The following IRGM variants were observed in gnomAD, a reference collection of about 807,000 sequenced individuals.
The protein encoded by IRGM is immunity related GTPase M, also known as immunity-related GTPase family M protein.
For synonymous variants in IRGM, 98 were observed against 80.6 expected, an observed-to-expected ratio of 1.22 and a Z score of -1.16; for missense variants, 288 against 219.9, an observed-to-expected ratio of 1.31 and a Z score of -1.96.
At chr5:150,897,387 C>CATCT (rs1255372818) in intron 3 of IRGM, 1 of 159,004 alleles carries the variant, frequency 6.3e-6, no homozygotes, top group Non-Finnish European at 1.4e-5. Flanking sequence ...AACTCTCCTC[C>CATCT]ATCTATTTTC....
downstream of IRGM, among the ~76,000 whole-genome samples, chr5:150,852,889 A>G (rs1190928523): frequency 2.0e-5 from 3 of 152,114 alleles, no homozygotes; most frequent in Non-Finnish European, 4.4e-5. Flanking sequence ...ATAGAAGAGA[A>G]AATAATATTG....
chr5:150,856,891 A>C lies in IRGM; in HGVS notation c.158+8237A>C, dbSNP rs1754061537. On this transcript the variant is annotated intron_variant and NMD_transcript_variant, in intron 1 of 3. Transcript: ENST00000520549. ...TAATTATTAATTAATATTATTAATT[A>C]AATATTATTAAATAAATAAATATTT... Among the ~76,000 whole-genome samples, 15 of 136,438 alleles carry C rather than the reference A, an allele frequency of 1.1e-4. No homozygotes were observed. The South Asian group carries it at 3.4e-3, about 31-fold the overall frequency. 89.5% of individuals were successfully genotyped at this position (136,438 alleles called of 152,430 possible). A position where few individuals can be genotyped will look rare whatever the true frequency, so the allele number is the denominator to read the frequency against.
In IRGM at chr5:150,846,595, C is replaced by T. The variant is rs1382187777; in HGVS notation, c.-1041C>T. ...CACTTTGCAGTAAATCTTGCTGCTG[C>T]TCATTCTTTGGGTCCACACTGCCTT... On this transcript the variant is annotated 5_prime_UTR_variant, in exon 1 of 2. Transcript: ENST00000522154. 1 of 139,954 alleles carries T rather than the reference C, an allele frequency of 7.1e-6. No homozygotes were observed. The highest frequency in any genetic ancestry group is 2.4e-4 in the East Asian group (1 of 4,096). The allele number at this position is 139,954 out of a possible 1,614,324, so 8.7% of individuals were successfully genotyped here.
chr5:150,859,071 G>A (rs1309711192), intron 1 of IRGM, among the ~76,000 whole-genome samples: 1 of 152,096 alleles, frequency 6.6e-6, no homozygotes, highest in African/African-American at 2.4e-5. Flanking sequence ...ATTTGTCATA[G>A]GTAGCTGTTA....
chr5:150,901,861 A>G (rs888472244), downstream of IRGM, among the ~76,000 whole-genome samples: 11 of 152,148 alleles, frequency 7.2e-5, no homozygotes, highest in Non-Finnish European at 1.0e-4. Flanking sequence ...ATGGAAAAAG[A>G]TATTCTAAGT....
chr5:150,900,901 A>T (rs76125741), downstream of IRGM, among the ~76,000 whole-genome samples: 5,877 of 152,166 alleles, frequency 0.039, 180 homozygotes, highest in East Asian at 0.16. Flanking sequence ...AATGCTTCAA[A>T]ATAATAAGTA....
At chr5:150,866,235 G>A (rs1373216477) in intron 1 of IRGM, among the ~76,000 whole-genome samples, 1 of 152,158 alleles carries the variant, frequency 6.6e-6, no homozygotes, top group African/African-American at 2.4e-5. Flanking sequence ...TCCTGTGGCA[G>A]GTATTTTGGC....
chr5:150,889,161 A>G (rs1010546613), intron 3 of IRGM, among the ~76,000 whole-genome samples: 6 of 151,708 alleles, frequency 4.0e-5, no homozygotes, highest in African/African-American at 1.2e-4. Context: ...TTTTACATAC[A>G]TGACCGTATT....
chr5:150,896,455 C>T, intron 3 of IRGM: 1 of 1,613,544 alleles, frequency 6.2e-7, no homozygotes, highest in Non-Finnish European at 8.5e-7. Context: ...TTAGTTTCCA[C>T]ATTCTGATAT....
At chr5:150,886,040 T>C (rs757571241) in intron 3 of IRGM, among the ~76,000 whole-genome samples, 28 of 152,046 alleles carry the variant, frequency 1.8e-4, no homozygotes, top group Non-Finnish European at 3.4e-4. Flanking sequence ...GTTGGCTGTT[T>C]GTCACAGATG....
At chr5:150,901,792 G>C (rs1241302785), downstream of IRGM, among the ~76,000 whole-genome samples, 1 of 151,954 alleles carries the variant, frequency 6.6e-6, no homozygotes, top group Non-Finnish European at 1.5e-5. Context: ...CAGGCAACCA[G>C]GCCACAAGGA....
intron 3 of IRGM, among the ~76,000 whole-genome samples, chr5:150,893,717 C>A (rs918157209): frequency 2.0e-5 from 3 of 152,118 alleles, no homozygotes; most frequent in Admixed American, 6.6e-5. Context: ...AGAGGGGAAG[C>A]TTAGTTCCAC....
At chr5:150,865,395 T>A (rs531348592) in intron 1 of IRGM, among the ~76,000 whole-genome samples, 5 of 148,308 alleles carry the variant, frequency 3.4e-5, no homozygotes, top group African/African-American at 1.0e-4. Context: ...TCATTAAATG[T>A]TAATAGACTA....
At chr5:150,899,902 G>A (rs1350453074) in intron 3 of IRGM, among the ~76,000 whole-genome samples, 1 of 152,012 alleles carries the variant, frequency 6.6e-6, no homozygotes, top group Non-Finnish European at 1.5e-5. Context: ...TATTTCAAAT[G>A]TCAACATTGC....
At chr5:150,891,204 T>A (rs886186318) in intron 3 of IRGM, among the ~76,000 whole-genome samples, 4 of 145,560 alleles carry the variant, frequency 2.7e-5, no homozygotes, top group African/African-American at 1.1e-4. Flanking sequence ...AATCTCTTAG[T>A]TAGTATTTAT....
intron 3 of IRGM, chr5:150,897,554 C>A (rs1311065100): frequency 6.4e-6 from 1 of 156,582 alleles, no homozygotes; most frequent in Non-Finnish European, 1.4e-5. Flanking sequence ...AAAGCTGTAT[C>A]TTCCTGACCC....
At chr5:150,867,777 C>A (rs1291595962) in intron 1 of IRGM, among the ~76,000 whole-genome samples, 1 of 148,480 alleles carries the variant, frequency 6.7e-6, no homozygotes, top group Non-Finnish European at 1.5e-5. Flanking sequence ...TGTATATCTT[C>A]TTTTGAGAAT....
intron 1 of IRGM, among the ~76,000 whole-genome samples, chr5:150,855,847 A>G (rs1754040743): frequency 2.0e-5 from 3 of 152,222 alleles, no homozygotes; most frequent in South Asian, 4.1e-4. Context: ...GAAGGCAAAA[A>G]CACAGAAACA....
chr5:150,902,339 G>C (rs981206254), downstream of IRGM, among the ~76,000 whole-genome samples: 1 of 152,086 alleles, frequency 6.6e-6, no homozygotes, highest in Non-Finnish European at 1.5e-5. Flanking sequence ...TTTAAGAATG[G>C]CTTTTTTGAG....
Sources: gnomAD v4.1 joint callset for allele counts (sites outside exome capture counted in the v4.1 genomes callset) on GRCh38, gnomAD v4.1.1 for gene constraint, MANE v1.5 for transcripts, NCBI Gene and HGNC (gene_info 2026-07-23, HGNC 2026-07-21) for gene names.